The following KSR2 variants were observed in gnomAD, a reference collection of about 807,000 sequenced individuals.
KSR2 encodes kinase suppressor of ras 2.
Under a neutral mutation model 107.8 loss-of-function variants are expected in KSR2, and 25 were observed. The observed-to-expected ratio is 0.23, with a 90% CI of 0.17 to 0.32. The LOEUF is 0.32. KSR2 is among the 10% of genes least tolerant of loss of function. The pLI is 1.00. For missense variants in KSR2, 887 were observed against 1,268.9 expected (o/e 0.70, Z 4.57); for synonymous variants, 480 against 507.0 (o/e 0.95, Z 0.71).
At chr12:117,582,221 A>C in intron 6 of KSR2, 69 bp downstream of exon 6, 77 of 1,313,292 alleles carry the variant, frequency 5.9e-5, no homozygotes, top group Non-Finnish European at 7.9e-5. Flanking sequence ...ACCCCAGGGC[A>C]GGGGCCAGAG....
At chr12:117,864,605 C>T (rs574788134) in intron 1 of KSR2, among the ~76,000 whole-genome samples, 14 of 152,286 alleles carry the variant, frequency 9.2e-5, no homozygotes, top group South Asian at 2.1e-4. Context: ...CCATTCTGGA[C>T]GCTAGAAGTT....
intron 4 of KSR2, among the ~76,000 whole-genome samples, chr12:117,717,278 C>T (rs1305406350): frequency 4.6e-5 from 7 of 152,152 alleles, no homozygotes; most frequent in African/African-American, 9.7e-5. Flanking sequence ...CCCAGTACTT[C>T]GGAAGGCTGA....
chr12:117,758,647 T>C (rs1162746221), intron 4 of KSR2, among the ~76,000 whole-genome samples: 1 of 152,178 alleles, frequency 6.6e-6, no homozygotes, highest in Non-Finnish European at 1.5e-5. Context: ...CCAAGTCAAT[T>C]TGGAAGGCCT....
At chr12:117,837,938 A>T (rs917578360) in intron 3 of KSR2, among the ~76,000 whole-genome samples, 2 of 152,152 alleles carry the variant, frequency 1.3e-5, no homozygotes, top group Non-Finnish European at 2.9e-5. Context: ...TCAGTGGGGG[A>T]AATTCGGAGT....
chr12:117,648,772 T>C (rs551324402), intron 5 of KSR2, among the ~76,000 whole-genome samples: 19 of 152,290 alleles, frequency 1.2e-4, no homozygotes, highest in South Asian at 4.1e-4. Flanking sequence ...ATGGGCCAAA[T>C]AGAAACATAT....
At chr12:117,491,489 CT>C (rs1872741720) in intron 14 of KSR2, among the ~76,000 whole-genome samples, 1 of 152,140 alleles carries the variant, frequency 6.6e-6, no homozygotes, top group South Asian at 2.1e-4. Context: ...TGGTATTTGT[CT>C]TTTTATGCCT....
At chr12:117,556,897 T>A (rs1456987099) in intron 8 of KSR2, among the ~76,000 whole-genome samples, 2 of 152,176 alleles carry the variant, frequency 1.3e-5, no homozygotes, top group African/African-American at 2.4e-5. Context: ...CCAGGCGCGG[T>A]GGCTCACACC....
At chr12:117,966,755 T>G (rs1202074507) in intron 1 of KSR2, among the ~76,000 whole-genome samples, 5 of 151,152 alleles carry the variant, frequency 3.3e-5, no homozygotes, top group Non-Finnish European at 7.4e-5. Context: ...CAGCCAAATT[T>G]AAAAATCACG....
chr12:117,504,444 T>G (rs1873555060), intron 14 of KSR2, among the ~76,000 whole-genome samples: 1 of 152,232 alleles, frequency 6.6e-6, no homozygotes, highest in Non-Finnish European at 1.5e-5. Context: ...TTTTTTCCCT[T>G]AATCTCTTAA....
chr12:117,930,120 G>A (rs1593378602), intron 1 of KSR2, among the ~76,000 whole-genome samples: 2 of 151,470 alleles, frequency 1.3e-5, no homozygotes, highest in African/African-American at 2.4e-5. Flanking sequence ...TGCAACCTCC[G>A]CCTCCCAGCT....
intron 4 of KSR2, among the ~76,000 whole-genome samples, chr12:117,705,201 G>A (rs78928070): frequency 0.026 from 3,984 of 152,226 alleles, 94 homozygotes; most frequent in South Asian, 0.06. Context: ...ACAGCCTAGC[G>A]AAGGGATCCT....
intron 1 of KSR2, among the ~76,000 whole-genome samples, chr12:117,893,767 G>A (rs1262162248): frequency 6.6e-6 from 1 of 152,136 alleles, no homozygotes; most frequent in Non-Finnish European, 1.5e-5. Context: ...CCAAGAATAC[G>A]GTAAGGAGAG....
chr12:117,612,474 T>C (rs1408180659), intron 5 of KSR2, among the ~76,000 whole-genome samples: 3 of 152,158 alleles, frequency 2.0e-5, no homozygotes, highest in African/African-American at 7.2e-5. Flanking sequence ...ATCACGTTTG[T>C]GTTTGCCTTT....
rs868526763 is a variant in KSR2 at position 117,571,774 on chromosome 12, G to A, written c.1325+7345C>T. Among the ~76,000 whole-genome samples, 32 of 152,152 alleles carry A rather than the reference G, an allele frequency of 2.1e-4. 1 individual carries two copies. Among genetic ancestry groups the A allele is most frequent in the Admixed American group, 3.9e-4 (6 of 15,278 alleles). ...AGACCCTTCGAATCTAAGGCCCTGA[G>A]AGCAGGTGACTCGGAGAATATCACA... On this transcript the variant is annotated intron_variant, in intron 7 of 19. Coordinates refer to ENST00000339824, the MANE Select transcript of KSR2 (RefSeq NM_173598.6).
intron 5 of KSR2, among the ~76,000 whole-genome samples, chr12:117,661,254 C>T (rs929725155): frequency 1.4e-5 from 2 of 139,248 alleles, no homozygotes; most frequent in South Asian, 2.7e-4. Context: ...ACCTCAGATT[C>T]GATCCTGTAC....
intron 5 of KSR2, among the ~76,000 whole-genome samples, chr12:117,637,313 G>A (rs1168826640): frequency 6.6e-6 from 1 of 152,248 alleles, no homozygotes; most frequent in Non-Finnish European, 1.5e-5. Context: ...AATGTCTGGA[G>A]ACATTTTGGT....
intron 5 of KSR2, among the ~76,000 whole-genome samples, chr12:117,588,856 T>C (rs1880157479): frequency 6.6e-6 from 1 of 152,230 alleles, no homozygotes; most frequent in Admixed American, 6.5e-5. Context: ...TGTACCTCAT[T>C]GTGTTGTTTG....
chr12:117,948,610 CAATT>C (rs984501841), intron 1 of KSR2, among the ~76,000 whole-genome samples: 24 of 152,056 alleles, frequency 1.6e-4, no homozygotes, highest in African/African-American at 5.5e-4. Context: ...TAAATACAGA[CAATT>C]AATTTCTTAC....
chr12:117,968,151 G>A lies in KSR2; in HGVS notation c.105C>T (p.Ile35=). 6.2e-7 allele frequency: 1 copy of A among 1,611,164 alleles called. No individual in the cohort carries two copies. Among genetic ancestry groups the A allele is most frequent in the Non-Finnish European group, 8.5e-7 (1 of 1,179,246 alleles). Residue 35 remains isoleucine (I), a synonymous_variant, in exon 1 of 20, where the codon ATC becomes ATT. Transcript: ENST00000339824. ...TGGTCCTAAGCCCTTCCAGGTTGGA[G>A]ATGCTCAAGTCTATCATGTTTTGGA... ...ELVQNMIDLS[I]SNLEGLRTKC...
Sources: allele counts gnomAD v4.1 joint callset (sites outside exome capture counted in the v4.1 genomes callset), GRCh38; gene constraint gnomAD v4.1.1; transcripts MANE v1.5; gene names NCBI Gene and HGNC (gene_info 2026-07-23, HGNC 2026-07-21).